CNTNAP5: variants seen among roughly 807,000 people sequenced by gnomAD.
The protein encoded by CNTNAP5 is contactin-associated protein-like 5.
CNTNAP5 carries 72 observed loss-of-function variants against 150.2 expected under a neutral mutation model. That is an observed-to-expected ratio of 0.48 (90% CI 0.40 to 0.58). The LOEUF (loss-of-function observed/expected upper bound fraction) is 0.58, where lower values mean the gene tolerates loss of function less well. CNTNAP5 is among the 20% of genes least tolerant of loss of function. The pLI is 0.00. For synonymous variants in CNTNAP5, 672 were observed against 619.8 expected, an observed-to-expected ratio of 1.08 and a Z score of -1.25; for missense variants, 1,636 against 1,626.2, an observed-to-expected ratio of 1.01 and a Z score of -0.10.
intron 1 of CNTNAP5, among the ~76,000 whole-genome samples, chr2:124,181,010 A>C (rs962452545): frequency 6.6e-6 from 1 of 152,012 alleles, no homozygotes; most frequent in African/African-American, 2.4e-5. Flanking sequence ...AGAGAATGTG[A>C]AGGGGAGTTT....
intron 16 of CNTNAP5, among the ~76,000 whole-genome samples, chr2:124,766,577 G>A (rs1681073956): frequency 6.6e-6 from 1 of 152,158 alleles, no homozygotes; most frequent in Non-Finnish European, 1.5e-5. Context: ...ATTAATGGGA[G>A]GAAGCTCTTG....
chr2:124,405,438 G>A (rs527677738), intron 3 of CNTNAP5, among the ~76,000 whole-genome samples: 1 of 152,284 alleles, frequency 6.6e-6, no homozygotes, highest in East Asian at 1.9e-4. Context: ...CTTGGTTGCA[G>A]AAACCGGACT....
At chr2:124,056,473 A>T (rs1198479569) in intron 1 of CNTNAP5, among the ~76,000 whole-genome samples, 1 of 152,212 alleles carries the variant, frequency 6.6e-6, no homozygotes, top group African/African-American at 2.4e-5. Flanking sequence ...AAATACAAAA[A>T]AAAAGAAAAA....
intron 19 of CNTNAP5, among the ~76,000 whole-genome samples, chr2:124,825,572 ATC>A (rs1436049305): frequency 2.0e-5 from 3 of 152,310 alleles, no homozygotes; most frequent in Admixed American, 6.5e-5. Context: ...AAATGAATGC[ATC>A]CTAATGGCAC....
chr2:124,818,050 A>G (rs1682402902), intron 19 of CNTNAP5, among the ~76,000 whole-genome samples: 1 of 152,166 alleles, frequency 6.6e-6, no homozygotes, highest in African/African-American at 2.4e-5. Flanking sequence ...TGCTAAACTC[A>G]TATAAAGCAC....
At chr2:124,565,573 C>A (rs1366103276) in intron 11 of CNTNAP5, among the ~76,000 whole-genome samples, 1 of 126,008 alleles carries the variant, frequency 7.9e-6, no homozygotes, top group Non-Finnish European at 1.6e-5. Context: ...TTACCTAGAT[C>A]CTTTTTTTTT....
At chr2:124,837,689 A>G (rs903712871) in intron 19 of CNTNAP5, among the ~76,000 whole-genome samples, 12 of 152,152 alleles carry the variant, frequency 7.9e-5, no homozygotes, top group African/African-American at 2.7e-4. Context: ...AACAGTAAAT[A>G]AATAAGAACC....
chr2:124,415,779 A>C (rs1180474653), intron 3 of CNTNAP5, among the ~76,000 whole-genome samples: 1 of 152,184 alleles, frequency 6.6e-6, no homozygotes, highest in Non-Finnish European at 1.5e-5. Context: ...GTTATACGAC[A>C]ACGTGAATAT....
chr2:124,172,615 T>C (rs1684960171), intron 1 of CNTNAP5, among the ~76,000 whole-genome samples: 1 of 152,146 alleles, frequency 6.6e-6, no homozygotes, highest in Non-Finnish European at 1.5e-5. Context: ...GATCTCGCCA[T>C]GTTGCTCAAG....
rs181305296 is a variant in CNTNAP5 at position 124,130,127 on chromosome 2, C to T, written c.83-91578C>T. 3.3e-3 allele frequency among the ~76,000 whole-genome samples: 510 copies of T among 152,268 alleles called. 2 individuals are homozygous for T. The highest frequency in any genetic ancestry group is 6.8e-3 in the Middle Eastern group (2 of 294). On this transcript the variant is annotated intron_variant, in intron 1 of 23. Transcript: ENST00000682447. ...TTTCACCATTGACAAGGATTTGCTA[C>T]TGAAAATTACAAATTGCAAATATAT...
intron 1 of CNTNAP5, among the ~76,000 whole-genome samples, chr2:124,078,950 G>A (rs1682499177): frequency 6.6e-6 from 1 of 152,182 alleles, no homozygotes; most frequent in African/African-American, 2.4e-5. Context: ...ATAGGAAGCA[G>A]GGGTGATTAC....
At chr2:124,552,950 T>G (rs1239923381) in intron 10 of CNTNAP5, among the ~76,000 whole-genome samples, 1 of 152,328 alleles carries the variant, frequency 6.6e-6, no homozygotes, top group African/African-American at 2.4e-5. Flanking sequence ...TGGTAGATTA[T>G]CTATTAATTA....
chr2:124,300,457 A>T (rs1688546613), intron 3 of CNTNAP5, among the ~76,000 whole-genome samples: 1 of 152,212 alleles, frequency 6.6e-6, no homozygotes, highest in Non-Finnish European at 1.5e-5. Context: ...GGAATGAGTC[A>T]CGTGAAGATA....
At chr2:124,167,892 AG>A (rs1233044654) in intron 1 of CNTNAP5, among the ~76,000 whole-genome samples, 1 of 152,138 alleles carries the variant, frequency 6.6e-6, no homozygotes, top group African/African-American at 2.4e-5. Context: ...AAATAAAGAA[AG>A]GGAGGGAGTA....
At chr2:124,049,224 C>T (rs942812437) in intron 1 of CNTNAP5, among the ~76,000 whole-genome samples, 7 of 152,118 alleles carry the variant, frequency 4.6e-5, no homozygotes, top group East Asian at 1.9e-4. Context: ...TGAATGTCTG[C>T]GGCAACAAGG....
intron 13 of CNTNAP5, among the ~76,000 whole-genome samples, chr2:124,697,476 T>A (rs1679428159): frequency 6.6e-6 from 1 of 152,144 alleles, no homozygotes; most frequent in African/African-American, 2.4e-5. Context: ...TCATTTTTAA[T>A]CCAGTGTTAT....
intron 8 of CNTNAP5, among the ~76,000 whole-genome samples, chr2:124,520,995 A>G (rs1457093647): frequency 6.6e-6 from 1 of 152,198 alleles, no homozygotes; most frequent in Non-Finnish European, 1.5e-5. Context: ...GACCAGGTGA[A>G]AGTGGAGATT....
chr2:124,691,239 G>T (rs1679294644), intron 13 of CNTNAP5, among the ~76,000 whole-genome samples: 1 of 152,120 alleles, frequency 6.6e-6, no homozygotes, highest in Non-Finnish European at 1.5e-5. Flanking sequence ...TTCCTTCTGG[G>T]TGTAGGGGTT....
At chr2:124,860,487 C>T (rs1677498165) in intron 19 of CNTNAP5, among the ~76,000 whole-genome samples, 1 of 105,300 alleles carries the variant, frequency 9.5e-6, no homozygotes, top group African/African-American at 4.4e-5. Context: ...TTCCTTCCTT[C>T]CTTCCTTCCT....
Sources: allele counts gnomAD v4.1 joint callset (sites outside exome capture counted in the v4.1 genomes callset), GRCh38; gene constraint gnomAD v4.1.1; transcripts MANE v1.5; gene names NCBI Gene and HGNC (gene_info 2026-07-23, HGNC 2026-07-21).